UNC80: variants seen among roughly 807,000 people sequenced by gnomAD.
The protein encoded by UNC80 is unc-80 subunit of NALCN channel complex, also known as protein unc-80 homolog.
A neutral mutation model predicts 384.6 loss-of-function variants in UNC80; 164 were observed. The ratio of observed to expected loss-of-function variants is 0.43; its 90% CI spans 0.38 to 0.49. The LOEUF (loss-of-function observed/expected upper bound fraction) is 0.49, where lower values mean the gene tolerates loss of function less well. UNC80 is among the 20% of genes least tolerant of loss of function. The probability of loss-of-function intolerance (pLI) is 0.00; values close to 1 mark genes in which losing one functional copy is unlikely to be tolerated. For missense variants in UNC80, 3,330 were observed against 4,143.0 expected, an observed-to-expected ratio of 0.80 and a Z score of 5.39; for synonymous variants, 1,486 against 1,527.8, an observed-to-expected ratio of 0.97 and a Z score of 0.64.
At chr2:209,805,256 A>G (rs1409358041) in intron 7 of UNC80, among the ~76,000 whole-genome samples, 1 of 152,230 alleles carries the variant, frequency 6.6e-6, no homozygotes, top group African/African-American at 2.4e-5. Flanking sequence ...CTGTTACTAC[A>G]TAACAAGGAT....
At chr2:209,993,705 G>A (rs2093434269) in intron 63 of UNC80, among the ~76,000 whole-genome samples, 1 of 152,172 alleles carries the variant, frequency 6.6e-6, no homozygotes, top group African/African-American at 2.4e-5. Context: ...CTTCTTTACT[G>A]AAGCCAAGGA....
chr2:209,837,362 G>C (rs1033016616), intron 18 of UNC80, among the ~76,000 whole-genome samples: 4 of 152,058 alleles, frequency 2.6e-5, no homozygotes, highest in African/African-American at 9.7e-5. Flanking sequence ...GACAAATGTA[G>C]AAAACACAGA....
rs571099037 is a variant in UNC80, at chr2:209,912,758, A to G, written c.4890+91A>G. 2.8e-5 allele frequency: 24 copies of G among 859,240 alleles called. No individual in the cohort carries two copies. In the East Asian group the frequency reaches 6.7e-4, roughly 24 times the overall value. 53.2% of individuals were successfully genotyped at this position (859,240 alleles called of 1,614,324 possible). On this transcript the variant is annotated intron_variant, in intron 30 of 64. Transcript: ENST00000673920. ...TTTACTAATGTTTGGGACATACAAC[A>G]TCAGTTGGTACAGTGTTGGCATAAA...
chr2:209,773,164 A>G, intron 2 of UNC80, 22 bp downstream of exon 2: 1 of 1,606,442 alleles, frequency 6.2e-7, no homozygotes, highest in South Asian at 1.1e-5. Flanking sequence ...TCACCATTTA[A>G]TAATTATTTC....
intron 48 of UNC80, among the ~76,000 whole-genome samples, chr2:209,956,136 C>T (rs542898633): frequency 6.6e-6 from 1 of 152,248 alleles, no homozygotes; most frequent in South Asian, 2.1e-4. Context: ...AATTGACTTA[C>T]TCGAAGTGTC....
intron 23 of UNC80, among the ~76,000 whole-genome samples, chr2:209,874,175 T>C (rs2084564248): frequency 6.6e-6 from 1 of 152,222 alleles, no homozygotes; most frequent in African/African-American, 2.4e-5. Context: ...GTACTTATCC[T>C]TCATTTAATT....
At chr2:209,940,576 G>A (rs2091561285) in intron 43 of UNC80, among the ~76,000 whole-genome samples, 1 of 152,160 alleles carries the variant, frequency 6.6e-6, no homozygotes, top group African/African-American at 2.4e-5. Context: ...GCCTTTGGGA[G>A]GCCCAGGGAG....
chr2:209,964,215 G>A lies in UNC80; in HGVS notation c.7806-3222G>A, dbSNP rs77967038. On this transcript the variant is annotated intron_variant, in intron 51 of 64. Coordinates refer to ENST00000673920, the MANE Select transcript of UNC80 (RefSeq NM_001371986.1). ...CAAAGAATTACATGATATTACCACT[G>A]CACTACTCCTAATGCATCAGTGGAT... Among the ~76,000 whole-genome samples the A allele has an allele frequency of 2.5e-3, 382 of 152,194 alleles. 3 individuals carry two copies. Among genetic ancestry groups the A allele is most frequent in the Admixed American group, 6.2e-3 (95 of 15,286 alleles).
At chr2:209,785,747 G>C (rs998813869) in intron 4 of UNC80, among the ~76,000 whole-genome samples, 2 of 152,102 alleles carry the variant, frequency 1.3e-5, no homozygotes, top group East Asian at 3.8e-4. Flanking sequence ...ATCTGCCAAG[G>C]CTCCTGAAAT....
At chr2:209,789,953 CA>C (rs900778063) in intron 6 of UNC80, among the ~76,000 whole-genome samples, 1 of 151,834 alleles carries the variant, frequency 6.6e-6, no homozygotes, top group African/African-American at 2.4e-5. Context: ...ACCTTGTTCT[CA>C]ATTATTGCAT....
At chr2:209,901,984 A>C (rs992129883) in intron 28 of UNC80, among the ~76,000 whole-genome samples, 2 of 152,142 alleles carry the variant, frequency 1.3e-5, no homozygotes, top group African/African-American at 4.8e-5. Flanking sequence ...AGACAGTTAT[A>C]GGGATTCCTG....
intron 36 of UNC80, among the ~76,000 whole-genome samples, chr2:209,929,508 C>T (rs1044013825): frequency 2.0e-5 from 3 of 152,170 alleles, no homozygotes. Context: ...AATAGTCTTT[C>T]ATAGTTTCTC....
intron 45 of UNC80, among the ~76,000 whole-genome samples, chr2:209,944,557 A>G (rs2091819715): frequency 6.6e-6 from 1 of 152,118 alleles, no homozygotes; most frequent in Admixed American, 6.6e-5. Context: ...AGAACATCAT[A>G]AGGATTTGTT....
chr2:209,874,257 A>G (rs1249756856), intron 23 of UNC80, among the ~76,000 whole-genome samples: 2 of 152,200 alleles, frequency 1.3e-5, no homozygotes, highest in African/African-American at 2.4e-5. Context: ...CATGAGATAC[A>G]TAGAGGCACC....
At chr2:209,786,258 G>T in intron 5 of UNC80, 69 bp downstream of exon 5, 1 of 1,510,852 alleles carries the variant, frequency 6.6e-7, no homozygotes, top group Non-Finnish European at 8.9e-7. Context: ...TAGAGTGATG[G>T]GATAATTTGC....
chr2:209,862,502 C>T (rs551391748), intron 22 of UNC80, among the ~76,000 whole-genome samples: 2 of 152,200 alleles, frequency 1.3e-5, no homozygotes, highest in Admixed American at 6.5e-5. Context: ...AATCTGAGTG[C>T]TCCTGTATTG....
intron 28 of UNC80, among the ~76,000 whole-genome samples, chr2:209,900,224 C>G (rs534381684): frequency 6.6e-6 from 1 of 152,086 alleles, no homozygotes; most frequent in Non-Finnish European, 1.5e-5. Context: ...TTGGAGATAT[C>G]GCATTTTTTA....
chr2:209,942,855 T>TACAC (rs10584249), intron 44 of UNC80, among the ~76,000 whole-genome samples: 19 of 145,788 alleles, frequency 1.3e-4, no homozygotes, highest in African/African-American at 4.5e-4. Flanking sequence ...CACTCTTTCC[T>TACAC]ACACACACAC....
intron 60 of UNC80, chr2:209,982,940 A>G (rs973940766): frequency 3.6e-4 from 17 of 47,528 alleles, no homozygotes; most frequent in Non-Finnish European, 8.0e-4. Flanking sequence ...AAAACTTCCC[A>G]TGTATATATA....
Sources: gnomAD v4.1 joint callset for allele counts (sites outside exome capture counted in the v4.1 genomes callset) on GRCh38, gnomAD v4.1.1 for gene constraint, MANE v1.5 for transcripts, NCBI Gene and HGNC (gene_info 2026-07-23, HGNC 2026-07-21) for gene names.